The following PIK3R1 variants were observed in gnomAD, a reference collection of about 807,000 sequenced individuals.
The protein encoded by PIK3R1 is phosphatidylinositol 3-kinase regulatory subunit alpha.
In PIK3R1, 29 loss-of-function variants were observed where a neutral mutation model predicts 98.0. The observed-to-expected ratio is 0.30, with a 90% CI of 0.22 to 0.40. The LOEUF is 0.40. Among genes scored for constraint, PIK3R1 ranks in the 10% least tolerant of loss-of-function variants. The probability of loss-of-function intolerance (pLI) is 1.00; values close to 1 mark genes in which losing one functional copy is unlikely to be tolerated. For synonymous variants in PIK3R1, 282 were observed against 311.8 expected (o/e 0.90, Z 1.01); for missense variants, 596 against 872.7 (o/e 0.68, Z 3.99).
At chr5:68,237,642 C>T (rs1035999773) in intron 2 of PIK3R1, among the ~76,000 whole-genome samples, 4 of 151,474 alleles carry the variant, frequency 2.6e-5, no homozygotes, top group Non-Finnish European at 4.4e-5. Flanking sequence ...AAAAAGGCCT[C>T]TGACTGGTAG....
chr5:68,275,371 C>T (rs921055756), intron 4 of PIK3R1, among the ~76,000 whole-genome samples: 1 of 152,088 alleles, frequency 6.6e-6, no homozygotes, highest in Non-Finnish European at 1.5e-5. Flanking sequence ...AATGAAGACA[C>T]ATGTTTGGGT....
chr5:68,273,176 C>T (rs1746433977), intron 2 of PIK3R1, among the ~76,000 whole-genome samples: 1 of 152,138 alleles, frequency 6.6e-6, no homozygotes, highest in South Asian at 2.1e-4. Flanking sequence ...CCATAAGAGG[C>T]CATTTAGCAG....
intron 2 of PIK3R1, chr5:68,239,768 C>T (rs1195815279): frequency 4.5e-6 from 2 of 445,024 alleles, no homozygotes; most frequent in African/African-American, 2.0e-5. Context: ...AGATGACTCC[C>T]TGGCTTGCCA....
chr5:68,239,332 C>T (rs568684212), intron 2 of PIK3R1, among the ~76,000 whole-genome samples: 10 of 151,922 alleles, frequency 6.6e-5, no homozygotes, highest in Admixed American at 3.3e-4. Flanking sequence ...AAAAATAATA[C>T]AGGGAAAATG....
chr5:68,226,873 G>T lies in PIK3R1; in HGVS notation c.198G>T (p.Arg66Ser), dbSNP rs766811997. 6.2e-7 allele frequency: 1 copy of T among 1,613,924 alleles called. No homozygotes were observed. The highest frequency in any genetic ancestry group is 2.2e-5 in the East Asian group (1 of 44,884). The change falls in exon 2 of 16, where the codon AGG becomes AGT. Residue 66 changes from arginine to serine, a missense_variant. Transcript: ENST00000521381. ...LNGYNETTGE[R>S]GDFPGTYVEY... ...GCTATAATGAAACCACAGGGGAAAG[G>T]GGGGACTTTCCGGGAACTTACGTAG...
intron 7 of PIK3R1, among the ~76,000 whole-genome samples, chr5:68,285,042 G>A (rs980176491): frequency 4.6e-5 from 7 of 152,114 alleles, no homozygotes; most frequent in African/African-American, 7.2e-5. Flanking sequence ...TGCTTAGGCA[G>A]GTAAAGTAGA....
intron 2 of PIK3R1, among the ~76,000 whole-genome samples, chr5:68,260,538 G>C (rs750923788): frequency 6.6e-6 from 1 of 152,190 alleles, no homozygotes; most frequent in Non-Finnish European, 1.5e-5. Flanking sequence ...GGAAAGACAA[G>C]GGCCCTTGGA....
chr5:68,234,364 T>G (rs1476421135), intron 2 of PIK3R1, among the ~76,000 whole-genome samples: 2 of 152,176 alleles, frequency 1.3e-5, no homozygotes. Flanking sequence ...AATAAGGGAA[T>G]GTAGTGAGAG....
At chr5:68,244,594 A>T (rs1294866372) in intron 2 of PIK3R1, among the ~76,000 whole-genome samples, 5 of 139,202 alleles carry the variant, frequency 3.6e-5, no homozygotes, top group South Asian at 2.2e-4. Flanking sequence ...GACCTCAAAA[A>T]AAAAAAAAGA....
intron 2 of PIK3R1, among the ~76,000 whole-genome samples, chr5:68,230,273 C>G: frequency 6.6e-6 from 1 of 152,234 alleles, no homozygotes; most frequent in Non-Finnish European, 1.5e-5. Flanking sequence ...TTACTTATTA[C>G]GTTTATTGTT....
chr5:68,234,773 AC>A (rs1439102161), intron 2 of PIK3R1, among the ~76,000 whole-genome samples: 3 of 152,146 alleles, frequency 2.0e-5, no homozygotes, highest in Non-Finnish European at 4.4e-5. Flanking sequence ...GTTTATTCAG[AC>A]CCCTCTAAAT....
At chr5:68,258,044 A>C (rs570015412) in intron 2 of PIK3R1, among the ~76,000 whole-genome samples, 1 of 152,180 alleles carries the variant, frequency 6.6e-6, no homozygotes, top group East Asian at 1.9e-4. Context: ...CTGTGAACAC[A>C]TTTTTTCTTA....
chr5:68,290,090 C>G (rs1477240801), intron 7 of PIK3R1, among the ~76,000 whole-genome samples: 2 of 152,168 alleles, frequency 1.3e-5, no homozygotes, highest in Non-Finnish European at 2.9e-5. Flanking sequence ...AGGAGGACAT[C>G]TATACATTTT....
At chr5:68,284,804 A>G (rs1194711207) in intron 7 of PIK3R1, among the ~76,000 whole-genome samples, 2 of 152,212 alleles carry the variant, frequency 1.3e-5, no homozygotes, top group African/African-American at 2.4e-5. Flanking sequence ...TCCAACTTTC[A>G]AAGAATAGTA....
At chr5:68,291,567 G>T (rs1006375771) in intron 7 of PIK3R1, 4 of 152,238 alleles carry the variant, frequency 2.6e-5, no homozygotes, top group African/African-American at 9.6e-5. Flanking sequence ...TCACCAATTG[G>T]TATATATGAA....
rs757424123 is a variant in PIK3R1, at chr5:68,295,516, C to G, written c.1814+28C>G. ...AAGTAGTTACTAAAGATGGTGATAG[C>G]AGAAGATTTTTCTCATTTTAGGAAA... On this transcript the variant is annotated intron_variant, in intron 14 of 15. Coordinates refer to ENST00000521381, the MANE Select transcript of PIK3R1 (RefSeq NM_181523.3). 3.8e-6 allele frequency: 6 copies of G among 1,588,656 alleles called. No individual in the cohort carries two copies. The East Asian group carries it at 6.7e-5, about 18-fold the overall frequency.
intron 4 of PIK3R1, among the ~76,000 whole-genome samples, chr5:68,274,931 C>G (rs945032572): frequency 2.0e-5 from 3 of 152,140 alleles, no homozygotes; most frequent in African/African-American, 7.2e-5. Flanking sequence ...AAGAGTGAAA[C>G]TCAGTTTTGG....
chr5:68,252,384 AG>A (rs1320341833), intron 2 of PIK3R1, among the ~76,000 whole-genome samples: 3 of 150,862 alleles, frequency 2.0e-5, no homozygotes, highest in Admixed American at 6.6e-5. Flanking sequence ...AAAAAAAAAA[AG>A]TGGGGGGATC....
At chr5:68,225,413 C>T (rs1251639284) in intron 1 of PIK3R1, among the ~76,000 whole-genome samples, 1 of 152,184 alleles carries the variant, frequency 6.6e-6, no homozygotes, top group East Asian at 1.9e-4. Context: ...TCACCGTCAG[C>T]CCATCAGGTC....
Sources: gnomAD v4.1 joint callset for allele counts (sites outside exome capture counted in the v4.1 genomes callset) on GRCh38, gnomAD v4.1.1 for gene constraint, MANE v1.5 for transcripts, NCBI Gene and HGNC (gene_info 2026-07-23, HGNC 2026-07-21) for gene names.